The following GPC5 variants were observed in gnomAD, a reference collection of about 807,000 sequenced individuals.
The protein encoded by GPC5 is glypican-5.
In GPC5, 47 loss-of-function variants were observed where a neutral mutation model predicts 53.9. The ratio of observed to expected loss-of-function variants is 0.87; its 90% CI spans 0.69 to 1.11. The LOEUF (loss-of-function observed/expected upper bound fraction) is 1.11, where lower values mean the gene tolerates loss of function less well. Among genes scored for constraint, GPC5 ranks in the 50% most tolerant of loss-of-function variants. The pLI, the probability that GPC5 is intolerant of heterozygous loss-of-function variation, is 0.00. For missense variants in GPC5, 748 were observed against 713.1 expected (o/e 1.05, Z -0.56); for synonymous variants, 286 against 263.3 (o/e 1.09, Z -0.84).
chr13:91,832,300 C>CTTTTTT (rs55698516), intron 5 of GPC5, among the ~76,000 whole-genome samples: 1 of 122,990 alleles, frequency 8.1e-6, no homozygotes, highest in Non-Finnish European at 1.7e-5. Flanking sequence ...GCTTTTTTCT[C>CTTTTTT]TTTTTTTTTT....
rs146038766 is a variant in GPC5 at position 91,575,697 on chromosome 13, T to G, written c.326-117490T>G. 3.5e-3 allele frequency among the ~76,000 whole-genome samples: 527 copies of G among 152,292 alleles called. 4 individuals carry two copies. The highest frequency in any genetic ancestry group is 0.012 in the African/African-American group (506 of 41,572). On this transcript the variant is annotated intron_variant, in intron 2 of 7. Coordinates refer to ENST00000377067, the MANE Select transcript of GPC5 (RefSeq NM_004466.6). The stretch of plus-strand genomic sequence containing the variant: ...GAAATTTCTTTAAAACTTTTTTAGT[T>G]TTAATGAAATACAATGTATATGAGA...
Position 92,577,327 on chromosome 13 carries a change from A to C in GPC5, c.1562-288955A>C, listed in dbSNP as rs149948010. On this transcript the variant is annotated intron_variant, in intron 7 of 7. Coordinates refer to ENST00000377067, the MANE Select transcript of GPC5 (RefSeq NM_004466.6). ...TTAGTCCAGAGTTGGCAAGCTATTA[A>C]TAGCTACCATTTTGGAGCAATAATA... Among the ~76,000 whole-genome samples the C allele has an allele frequency of 2.0e-5, 3 of 152,122 alleles. No individual in the cohort carries two copies. The East Asian group carries it at 5.8e-4, about 29-fold the overall frequency.
chr13:92,551,693 A>T (rs1882322317), intron 7 of GPC5, among the ~76,000 whole-genome samples: 1 of 151,934 alleles, frequency 6.6e-6, no homozygotes, highest in Non-Finnish European at 1.5e-5. Flanking sequence ...TGTTAAGCTC[A>T]TTTGGTATTG....
At chr13:92,847,915 A>G (rs1878665372) in intron 7 of GPC5, among the ~76,000 whole-genome samples, 1 of 152,162 alleles carries the variant, frequency 6.6e-6, no homozygotes, top group Admixed American at 6.6e-5. Flanking sequence ...ATTATTTGAT[A>G]ATAGAGATGA....
At chr13:92,821,766 C>T (rs900183844) in intron 7 of GPC5, among the ~76,000 whole-genome samples, 2 of 152,064 alleles carry the variant, frequency 1.3e-5, no homozygotes, top group Non-Finnish European at 2.9e-5. Context: ...TATCAGTTAA[C>T]TTTTGTGCTC....
At chr13:91,972,099 C>A (rs1170714791) in intron 6 of GPC5, among the ~76,000 whole-genome samples, 1 of 152,138 alleles carries the variant, frequency 6.6e-6, no homozygotes, top group Non-Finnish European at 1.5e-5. Flanking sequence ...GTGTTGGAGT[C>A]TAAGTCTCTT....
At chr13:92,050,213 A>G (rs2041016162) in intron 6 of GPC5, among the ~76,000 whole-genome samples, 1 of 152,186 alleles carries the variant, frequency 6.6e-6, no homozygotes. Flanking sequence ...CATCCTCATG[A>G]TATTCAGAGA....
chr13:91,826,710 A>C (rs1179059234), intron 5 of GPC5, among the ~76,000 whole-genome samples: 1 of 152,108 alleles, frequency 6.6e-6, no homozygotes, highest in Non-Finnish European at 1.5e-5. Context: ...TCACTAAAGC[A>C]AAAGAGTAAG....
At chr13:91,603,282 C>T (rs1011275397) in intron 2 of GPC5, among the ~76,000 whole-genome samples, 1 of 152,202 alleles carries the variant, frequency 6.6e-6, no homozygotes, top group African/African-American at 2.4e-5. Flanking sequence ...GATGTAGTGT[C>T]CTTGTGCTGC....
chr13:92,030,978 G>A (rs1442197464), intron 6 of GPC5, among the ~76,000 whole-genome samples: 1 of 152,076 alleles, frequency 6.6e-6, no homozygotes, highest in Non-Finnish European at 1.5e-5. Flanking sequence ...GTTTTTAGCT[G>A]AGCTAAGAAC....
At chr13:91,830,031 C>A (rs1276464763) in intron 5 of GPC5, among the ~76,000 whole-genome samples, 1 of 151,894 alleles carries the variant, frequency 6.6e-6, no homozygotes, top group African/African-American at 2.4e-5. Context: ...CCGGTCTGAC[C>A]AAAATTTATT....
At chr13:91,618,828 A>G (rs2033772300) in intron 2 of GPC5, among the ~76,000 whole-genome samples, 1 of 152,032 alleles carries the variant, frequency 6.6e-6, no homozygotes, top group Admixed American at 6.6e-5. Flanking sequence ...TCATACCCAT[A>G]ACCTAACTTA....
chr13:92,070,053 T>C (rs1328436333), intron 6 of GPC5, among the ~76,000 whole-genome samples: 4 of 152,082 alleles, frequency 2.6e-5, no homozygotes, highest in Non-Finnish European at 4.4e-5. Context: ...CATGCTCCAG[T>C]TGATTTCTGA....
intron 2 of GPC5, among the ~76,000 whole-genome samples, chr13:91,662,825 C>T (rs1481820569): frequency 6.6e-6 from 1 of 152,204 alleles, no homozygotes; most frequent in East Asian, 1.9e-4. Flanking sequence ...CTCTCCAAAA[C>T]ATATACTACC....
At chr13:92,382,677 T>C (rs2043758747) in intron 7 of GPC5, among the ~76,000 whole-genome samples, 1 of 152,118 alleles carries the variant, frequency 6.6e-6, no homozygotes, top group Admixed American at 6.5e-5. Flanking sequence ...TTAGCTCTCA[T>C]CAGTTAATAG....
intron 7 of GPC5, among the ~76,000 whole-genome samples, chr13:92,163,047 A>G (rs947225595): frequency 6.6e-5 from 10 of 152,212 alleles, no homozygotes; most frequent in Non-Finnish European, 1.5e-4. Context: ...AAAGATGCTC[A>G]GAAAAGTCTA....
Position 92,512,940 on chromosome 13 carries a change from T to C in GPC5, c.1562-353342T>C, listed in dbSNP as rs1387563441. Among the ~76,000 whole-genome samples the C allele has an allele frequency of 2.6e-5, 4 of 152,174 alleles. No individual in the cohort carries two copies. The South Asian group carries it at 6.2e-4, about 24-fold the overall frequency. On this transcript the variant is annotated intron_variant, in intron 7 of 7. Transcript: ENST00000377067. Reference sequence around the variant, plus strand: ...GCTTTGGTTTTGCTCATAAATTGAATGGGGCCAGCACGTGATGCGATGTTG... The same window carrying C: ...GCTTTGGTTTTGCTCATAAATTGAACGGGGCCAGCACGTGATGCGATGTTG...
At chr13:91,990,636 T>C (rs1302776021) in intron 6 of GPC5, among the ~76,000 whole-genome samples, 1 of 152,212 alleles carries the variant, frequency 6.6e-6, no homozygotes, top group African/African-American at 2.4e-5. Flanking sequence ...TTTTAGAGAA[T>C]GGTAATTCAG....
At chr13:92,064,921 T>TTC (rs71200560) in intron 6 of GPC5, among the ~76,000 whole-genome samples, 4 of 151,510 alleles carry the variant, frequency 2.6e-5, no homozygotes, top group Non-Finnish European at 5.9e-5. Flanking sequence ...ATCCTTTTTT[T>TTC]ATGCAGAGAG....
Sources: allele counts gnomAD v4.1 joint callset (sites outside exome capture counted in the v4.1 genomes callset), GRCh38; gene constraint gnomAD v4.1.1; transcripts MANE v1.5; gene names NCBI Gene and HGNC (gene_info 2026-07-23, HGNC 2026-07-21).